Variants in DDX60L observed in about 807,000 individuals in gnomAD.
DDX60L encodes probable ATP-dependent RNA helicase DDX60-like.
In DDX60L, 191 loss-of-function variants were observed where a neutral mutation model predicts 211.6. That is an observed-to-expected ratio of 0.90 (90% CI 0.80 to 1.02). The LOEUF is 1.02. Among genes scored for constraint, DDX60L ranks in the 50% least tolerant of loss-of-function variants. The pLI, the probability that DDX60L is intolerant of heterozygous loss-of-function variation, is 0.00. For missense variants in DDX60L, 2,007 were observed against 1,984.1 expected (o/e 1.01, Z -0.22); for synonymous variants, 706 against 694.1 (o/e 1.02, Z -0.27).
At chr4:168,425,208 C>T (rs1429463277) in intron 14 of DDX60L, among the ~76,000 whole-genome samples, 2 of 152,188 alleles carry the variant, frequency 1.3e-5, no homozygotes, top group African/African-American at 4.8e-5. Context: ...TAATTCCTAT[C>T]TCTGTTAATA....
At chr4:168,395,102 T>C (rs1745544352) in intron 27 of DDX60L, among the ~76,000 whole-genome samples, 1 of 152,134 alleles carries the variant, frequency 6.6e-6, no homozygotes, top group Admixed American at 6.5e-5. Context: ...GAATTTATCC[T>C]CAGGAGGAAA....
intron 32 of DDX60L, 136 bp from the exon 33 acceptor site, chr4:168,378,611 C>A (rs1246494147): frequency 6.6e-6 from 4 of 604,702 alleles, no homozygotes; most frequent in African/African-American, 1.9e-5. Flanking sequence ...CAGAAATTGA[C>A]CATATTTGCA....
chr4:168,412,214 A>G (rs1748796334), intron 22 of DDX60L, among the ~76,000 whole-genome samples: 3 of 151,736 alleles, frequency 2.0e-5, no homozygotes, highest in Non-Finnish European at 2.9e-5. Flanking sequence ...GAGAGGGAAG[A>G]GTAAATGGGA....
chr4:168,415,315 T>A (rs868168550), intron 22 of DDX60L, 93 bp downstream of exon 22: 9 of 536,498 alleles, frequency 1.7e-5, no homozygotes, highest in Non-Finnish European at 2.5e-5. Flanking sequence ...AGATTATCTA[T>A]ACATGCTGCA....
At chr4:168,449,665 A>AAAAAAAAAAAAAAT (rs1755474696) in intron 8 of DDX60L, among the ~76,000 whole-genome samples, 17 of 28,490 alleles carry the variant, frequency 6.0e-4, no homozygotes, top group South Asian at 2.4e-3. Context: ...AAAAAAAAAA[A>AAAAAAAAAAAAAAT]GAAAAAAGAA....
intron 34 of DDX60L, among the ~76,000 whole-genome samples, chr4:168,374,699 A>C (rs1741632935): frequency 6.6e-6 from 1 of 152,242 alleles, no homozygotes; most frequent in Admixed American, 6.5e-5. Flanking sequence ...ATTTTTAATC[A>C]ACTTAATTTA....
At chr4:168,416,120 C>T (rs1269577890) in intron 20 of DDX60L, among the ~76,000 whole-genome samples, 1 of 152,166 alleles carries the variant, frequency 6.6e-6, no homozygotes, top group South Asian at 2.1e-4. Context: ...CTGCCATCGT[C>T]GCTGTTACCA....
chr4:168,427,356 T>G (rs1171984159), intron 13 of DDX60L, 34 bp from the exon 14 acceptor site: 3 of 1,589,794 alleles, frequency 1.9e-6, no homozygotes, highest in Non-Finnish European at 2.6e-6. Flanking sequence ...ATGAAACAAG[T>G]GGGAAAATTC....
At chr4:168,449,648 AATG>A (rs1755419866) in intron 8 of DDX60L, among the ~76,000 whole-genome samples, 1 of 52,332 alleles carries the variant, frequency 1.9e-5, no homozygotes, top group East Asian at 8.9e-4. Flanking sequence ...AAAAAAAAAA[AATG>A]CAAAAAAAAA....
chr4:168,428,825 G>T (rs963111405), intron 13 of DDX60L, among the ~76,000 whole-genome samples: 2 of 152,092 alleles, frequency 1.3e-5, no homozygotes, highest in Non-Finnish European at 2.9e-5. Context: ...ACTATCATTT[G>T]TGTTACCTGA....
intron 26 of DDX60L, among the ~76,000 whole-genome samples, chr4:168,400,228 G>T (rs1229792835): frequency 1.3e-5 from 2 of 152,148 alleles, no homozygotes; most frequent in East Asian, 3.9e-4. Flanking sequence ...AGTATTCCTT[G>T]GTGTACATGT....
chr4:168,364,101 CAG>C (rs1333959075), intron 36 of DDX60L, among the ~76,000 whole-genome samples: 3 of 151,826 alleles, frequency 2.0e-5, no homozygotes, highest in African/African-American at 4.8e-5. Flanking sequence ...GCCCCAGTGA[CAG>C]AGAGAGACTC....
chr4:168,468,840 A>G (rs1032315278), intron 4 of DDX60L: 3 of 152,334 alleles, frequency 2.0e-5, no homozygotes, highest in Non-Finnish European at 2.9e-5. Context: ...AAAACTAAAA[A>G]ATTATTTTTA....
chr4:168,378,737 G>A (rs1429644107), intron 32 of DDX60L, among the ~76,000 whole-genome samples: 2 of 152,038 alleles, frequency 1.3e-5, no homozygotes, highest in Non-Finnish European at 2.9e-5. Flanking sequence ...TTACTAACTG[G>A]TTTCCTGACT....
Position 168,432,473 on chromosome 4 carries a change from T to C in DDX60L, c.1498A>G (p.Ile500Val), listed in dbSNP as rs763085401. The change falls in exon 12 of 38, where the codon ATC becomes GTC. Residue 500 changes from isoleucine to valine, a missense_variant. Transcript: ENST00000682922. ...QRLLSDDYDR[I>V]KCHVDEQSRD... is the part of the protein sequence containing the mutation. ...AGCTCACCATCAACATGACATTTGA[T>C]CCTGTCATAGTCGTCACTAAGGAGT... 1.3e-6 allele frequency: 2 copies of C among 1,571,600 alleles called. No homozygotes were observed. Among genetic ancestry groups the C allele is most frequent in the South Asian group, 1.2e-5 (1 of 84,318 alleles).
In DDX60L at chr4:168,400,982, A is replaced by G; in HGVS notation, c.3339-4T>C. ...TCCCACATCATCATTCTTAAACCTT[A>G]AAACAAATGAAAACAGTGCTTTGAA... On this transcript the variant is annotated splice_polypyrimidine_tract_variant and splice_region_variant and intron_variant, in intron 25 of 37. Coordinates refer to ENST00000682922, the MANE Select transcript of DDX60L (RefSeq NM_001012967.3). The G allele has an allele frequency of 6.2e-7, 1 of 1,608,018 alleles. No homozygotes were observed. The highest frequency in any genetic ancestry group is 8.5e-7 in the Non-Finnish European group (1 of 1,178,104).
intron 36 of DDX60L, among the ~76,000 whole-genome samples, chr4:168,362,158 C>A (rs1695740903): frequency 6.6e-6 from 1 of 152,240 alleles, no homozygotes; most frequent in African/African-American, 2.4e-5. Flanking sequence ...GCAGAGGTGG[C>A]CCCACCTCCT....
Position 168,384,640 on chromosome 4 carries a change from C to T in DDX60L, c.4088G>A (p.Gly1363Glu), listed in dbSNP as rs200732033. Residue 1363 changes from glycine (G) to glutamate (E), a missense_variant, in exon 30 of 38, where the codon GGA becomes GAA. Transcript: ENST00000682922. ...VLRLMLLASKGDDPEDAKAKV... is the reference protein window; with the variant it reads ...VLRLMLLASKEDDPEDAKAKV... The stretch of plus-strand genomic sequence containing the variant: ...TGCCTTGGCATCCTCTGGGTCATCT[C>T]CCTTGGAAGCCAGCAGCATGAGTCG... The T allele has an allele frequency of 7.0e-5, 113 of 1,613,986 alleles. No homozygotes were observed. The highest frequency in any genetic ancestry group is 3.7e-4 in the Admixed American group (22 of 59,956).
At position 168,373,801 on chromosome 4, in the gene DDX60L, T is replaced by TAGTCCAAAATG. The variant is rs759702814; in HGVS notation, c.4640_4641insCATTTTGGACT (p.Gly1548IlefsTer4). The TAGTCCAAAATG allele has an allele frequency of 2.7e-5, 44 of 1,613,044 alleles. No individual in the cohort carries two copies. In the Admixed American group the frequency reaches 5.3e-4, roughly 20 times the overall value. On this transcript the variant is annotated frameshift_variant, in exon 35 of 38. Coordinates refer to ENST00000682922, the MANE Select transcript of DDX60L (RefSeq NM_001012967.3). LOFTEE classifies it high-confidence loss of function. ...GTTGGGAGTCTTCACATTCTTTACC[T>TAGTCCAAAATG]GTGAATTCTGACCATTTTGGACTAG... is the stretch of plus-strand genomic sequence containing the variant.
Sources: allele counts gnomAD v4.1 joint callset (sites outside exome capture counted in the v4.1 genomes callset), GRCh38; gene constraint gnomAD v4.1.1; transcripts MANE v1.5; gene names NCBI Gene and HGNC (gene_info 2026-07-23, HGNC 2026-07-21).